The following MYOM2 variants were observed in gnomAD, a reference collection of about 807,000 sequenced individuals.
The protein encoded by MYOM2 is myomesin 2.
Under a neutral mutation model 187.6 loss-of-function variants are expected in MYOM2, and 254 were observed. The observed-to-expected ratio is 1.35, with a 90% CI of 1.22 to 1.50. The LOEUF (loss-of-function observed/expected upper bound fraction) is 1.50, where lower values mean the gene tolerates loss of function less well. MYOM2 is among the 40% of genes most tolerant of loss of function. The pLI, the probability that MYOM2 is intolerant of heterozygous loss-of-function variation, is 0.00. For missense variants in MYOM2, 2,796 were observed against 1,924.0 expected (o/e 1.45, Z -8.48); for synonymous variants, 981 against 753.8 (o/e 1.30, Z -4.94).
At position 2,144,736 on chromosome 8, in the gene MYOM2, A is replaced by G; in HGVS notation, c.4153A>G (p.Ile1385Val). The change falls in exon 37 of 37, where the codon ATC becomes GTC. Residue 1385 changes from isoleucine (I) to valine (V), a missense_variant. Ile to Val is a conservative substitution (Grantham distance 29). Transcript: ENST00000262113. ...EVIWFKNDQDIQLSEHFSVKV... is the reference protein window; with the variant it reads ...EVIWFKNDQDVQLSEHFSVKV... ...GATTTGGTTCAAGAACGACCAGGACATCCAGCTCAGCGAGCACTTCTCGGT... is the reference window on the plus strand; with the variant it reads ...GATTTGGTTCAAGAACGACCAGGACGTCCAGCTCAGCGAGCACTTCTCGGT... The G allele has an allele frequency of 6.2e-7, 1 of 1,613,908 alleles. No homozygotes were observed. The highest frequency in any genetic ancestry group is 1.3e-5 in the African/African-American group (1 of 74,968).
rs1200763875 is a variant in MYOM2 at position 2,078,882 on chromosome 8, G to T, written c.1411G>T (p.Val471Phe). 6.8e-6 allele frequency: 11 copies of T among 1,614,052 alleles called. No homozygotes were observed. The highest frequency in any genetic ancestry group is 7.6e-6 in the Non-Finnish European group (9 of 1,179,922). ...NSAGISRPSR[V>F]SDAVAALDPL... is the part of the protein sequence containing the mutation. ...TGCGGGCATCAGCCGACCCTCCAGG[G>T]TCTCTGATGCGGTGGCTGCACTTGA... The change falls in exon 12 of 37, where the codon GTC becomes TTC. Residue 471 changes from valine to phenylalanine, a missense_variant. Transcript: ENST00000262113.
At chr8:2,079,239 T>C (rs1457502031) in intron 12 of MYOM2, among the ~76,000 whole-genome samples, 3 of 152,084 alleles carry the variant, frequency 2.0e-5, no homozygotes, top group African/African-American at 7.2e-5. Context: ...TTTCAACACA[T>C]AATGACACTT....
chr8:2,145,108 G>C lies in MYOM2; in HGVS notation c.*127G>C. 9.6e-7 allele frequency: 1 copy of C among 1,043,104 alleles called. No individual in the cohort carries two copies. The highest frequency in any genetic ancestry group is 1.4e-6 in the Non-Finnish European group (1 of 718,440). The allele number at this position is 1,043,104 out of a possible 1,614,324, so 64.6% of individuals were successfully genotyped here. A position where few individuals can be genotyped will look rare whatever the true frequency, so the allele number is the denominator to read the frequency against. On this transcript the variant is annotated 3_prime_UTR_variant, in exon 37 of 37. Transcript: ENST00000262113. Reference sequence around the variant, plus strand: ...GTGGGCTGATAGTTGATCACACATTGTGCTTTTGATTTTTGCATTTGGTGA... The same window carrying C: ...GTGGGCTGATAGTTGATCACACATTCTGCTTTTGATTTTTGCATTTGGTGA...
intron 3 of MYOM2, among the ~76,000 whole-genome samples, chr8:2,052,838 T>C (rs974675689): frequency 2.0e-5 from 3 of 152,212 alleles, no homozygotes; most frequent in South Asian, 4.1e-4. Context: ...TAAACAGTTG[T>C]CGTGTGGAAA....
chr8:2,106,652 A>G, intron 23 of MYOM2, 55 bp downstream of exon 23: 4 of 1,263,568 alleles, frequency 3.2e-6, no homozygotes, highest in Non-Finnish European at 3.3e-6. Context: ...ACTTTCAAAG[A>G]TTGACACCAA....
chr8:2,089,985 C>A, intron 14 of MYOM2, 23 bp from the exon 15 acceptor site: 1 of 1,610,976 alleles, frequency 6.2e-7, no homozygotes, highest in Non-Finnish European at 8.5e-7. Context: ...CACTGCCAGT[C>A]TCGTTTCTGT....
intron 8 of MYOM2, 76 bp from the exon 9 acceptor site, chr8:2,072,269 C>A: frequency 9.3e-7 from 1 of 1,077,180 alleles, no homozygotes; most frequent in Non-Finnish European, 1.2e-6. Context: ...TGCTCTCTGC[C>A]CTTCGGCCAT....
chr8:2,137,359 G>T (rs545799331), intron 32 of MYOM2, among the ~76,000 whole-genome samples: 1 of 151,976 alleles, frequency 6.6e-6, no homozygotes, highest in South Asian at 2.1e-4. Flanking sequence ...AAGACACCAG[G>T]CATGACAAAA....
intron 6 of MYOM2, among the ~76,000 whole-genome samples, chr8:2,068,896 C>G (rs1819117447): frequency 6.6e-6 from 1 of 152,206 alleles, no homozygotes; most frequent in African/African-American, 2.4e-5. Context: ...ACTGGTTCTG[C>G]TGGAGCTTGA....
At position 2,057,998 on chromosome 8, in the gene MYOM2, G is replaced by GTTTTTTTTTTTTTTTTTTTTTTTTTT; in HGVS notation, c.560+231_560+256dup. Reference sequence around the variant, plus strand: ...ATTGAGTCAACAAATTTTTCAGAGGGTTTTTTTTTTTTTTTTTTTTTTTTT... The same window carrying GTTTTTTTTTTTTTTTTTTTTTTTTTT: ...ATTGAGTCAACAAATTTTTCAGAGGGTTTTTTTTTTTTTTTTTTTTTTTTTTTTTTTTTTTTTTTTTTTTTTTTTTT... On this transcript the variant is annotated intron_variant, in intron 5 of 36. Transcript: ENST00000262113. Among the ~76,000 whole-genome samples the GTTTTTTTTTTTTTTTTTTTTTTTTTT allele has an allele frequency of 2.5e-5, 2 of 80,716 alleles. 1 individual carries two copies. Among genetic ancestry groups the GTTTTTTTTTTTTTTTTTTTTTTTTTT allele is most frequent in the Non-Finnish European group, 4.6e-5 (2 of 43,734 alleles). The allele number at this position is 80,716 out of a possible 152,430, so 53.0% of individuals were successfully genotyped here.
chr8:2,046,902 A>T (rs1042584559), intron 1 of MYOM2, among the ~76,000 whole-genome samples: 2 of 152,022 alleles, frequency 1.3e-5, no homozygotes, highest in Admixed American at 1.3e-4. Flanking sequence ...ATAGTGTCAT[A>T]AATAGTACAG....
chr8:2,108,526 C>A (rs1226550716), intron 23 of MYOM2, among the ~76,000 whole-genome samples: 1 of 152,112 alleles, frequency 6.6e-6, no homozygotes, highest in Non-Finnish European at 1.5e-5. Flanking sequence ...CAGGGATATA[C>A]CTACCCCTGC....
chr8:2,108,716 C>T (rs142616313), intron 23 of MYOM2, 70 bp from the exon 24 acceptor site: 18 of 1,481,590 alleles, frequency 1.2e-5, no homozygotes, highest in Non-Finnish European at 1.7e-5. Context: ...TCGTGTGTCG[C>T]CTTGCTGTTG....
At chr8:2,092,241 C>G (rs991809262) in intron 15 of MYOM2, 105 bp from the exon 16 acceptor site, 26 of 1,355,210 alleles carry the variant, frequency 1.9e-5, no homozygotes, top group Admixed American at 4.1e-5. Context: ...TTCCAAAGCC[C>G]CCAGTCTGGC....
chr8:2,123,270 GA>G lies in MYOM2; in HGVS notation c.3475del (p.Thr1159ProfsTer44). ...LVCKVANTKK[E>X]TVFKWLKDDV... ...CTCACAGGTTGCAAACACCAAGAAAGAAACCGTTTTCAAATGGCTCAAGGAT... is the reference window on the plus strand; with the variant it reads ...CTCACAGGTTGCAAACACCAAGAAAGAACCGTTTTCAAATGGCTCAAGGAT... On this transcript the variant is annotated frameshift_variant, in exon 29 of 37. Transcript: ENST00000262113. LOFTEE classifies it high-confidence loss of function. The G allele has an allele frequency of 6.2e-7, 1 of 1,612,878 alleles. No homozygotes were observed. Among genetic ancestry groups the G allele is most frequent in the Non-Finnish European group, 8.5e-7 (1 of 1,179,684 alleles).
intron 31 of MYOM2, among the ~76,000 whole-genome samples, chr8:2,126,529 TAC>T (rs1173141229): frequency 5.9e-5 from 9 of 152,138 alleles, no homozygotes; most frequent in Admixed American, 3.3e-4. Context: ...CACACACTCA[TAC>T]ACACACTTAC....
rs772216538 is a variant in MYOM2, at chr8:2,073,422, G to A, written c.1042G>A (p.Asp348Asn). 1 of 1,613,170 alleles carries A rather than the reference G, an allele frequency of 6.2e-7. No individual in the cohort carries two copies. The highest frequency in any genetic ancestry group is 8.5e-7 in the Non-Finnish European group (1 of 1,179,876). The change falls in exon 10 of 37, where the codon GAC becomes AAC. Residue 348 changes from aspartate to asparagine, a missense_variant. Transcript: ENST00000262113. ...CCTGTCCTTCAGCCACCTGCACAAG[G>A]ACGACGAGGGCCTGTACACCCTGCG... ...ASLSFSHLHK[D>N]DEGLYTLRIV...
At chr8:2,132,163 C>T (rs1477401061) in intron 32 of MYOM2, among the ~76,000 whole-genome samples, 2 of 152,164 alleles carry the variant, frequency 1.3e-5, no homozygotes, top group African/African-American at 4.8e-5. Flanking sequence ...CCATTTGAGG[C>T]TAAATAATCC....
chr8:2,049,312 A>G (rs1277108816), intron 1 of MYOM2, among the ~76,000 whole-genome samples: 3 of 152,106 alleles, frequency 2.0e-5, no homozygotes, highest in Non-Finnish European at 4.4e-5. Flanking sequence ...GCTTTTGGGG[A>G]AGAATTTCTC....
Sources: allele counts gnomAD v4.1 joint callset (sites outside exome capture counted in the v4.1 genomes callset), GRCh38; gene constraint gnomAD v4.1.1; transcripts MANE v1.5; gene names NCBI Gene and HGNC (gene_info 2026-07-23, HGNC 2026-07-21).